Variants in ORC5 observed in about 807,000 individuals in gnomAD.
ORC5 encodes origin recognition complex subunit 5.
In ORC5, 39 loss-of-function variants were observed where a neutral mutation model predicts 58.8. The ratio of observed to expected loss-of-function variants is 0.66; its 90% CI spans 0.51 to 0.87. The LOEUF (loss-of-function observed/expected upper bound fraction) is 0.87. Ranked by LOEUF, ORC5 falls within the 40% of genes least tolerant of loss-of-function variation. ORC5 has a pLI of 0.00. For missense variants in ORC5, 493 were observed against 506.3 expected (o/e 0.97, Z 0.25); for synonymous variants, 218 against 177.6 (o/e 1.23, Z -1.81).
chr7:104,194,013 T>C (rs536953852), intron 5 of ORC5, among the ~76,000 whole-genome samples: 5 of 151,812 alleles, frequency 3.3e-5, no homozygotes, highest in East Asian at 1.9e-4. Flanking sequence ...TTTTTAATAA[T>C]TTTCTTAAAT....
intron 8 of ORC5, among the ~76,000 whole-genome samples, chr7:104,170,815 A>G (rs1799197846): frequency 6.6e-6 from 1 of 152,152 alleles, no homozygotes; most frequent in African/African-American, 2.4e-5. Context: ...ACTCCAATCC[A>G]TTGTTCTTTT....
At chr7:104,153,757 C>T (rs896145826) in intron 12 of ORC5, among the ~76,000 whole-genome samples, 2 of 151,938 alleles carry the variant, frequency 1.3e-5, no homozygotes, top group African/African-American at 4.8e-5. Flanking sequence ...AGATAATGCC[C>T]ACACTCAAAT....
intron 1 of ORC5, among the ~76,000 whole-genome samples, chr7:104,206,863 G>C (rs535388479): frequency 6.6e-6 from 1 of 152,240 alleles, no homozygotes; most frequent in South Asian, 2.1e-4. Flanking sequence ...TAGTAGCACC[G>C]CTGTAGAGGT....
At chr7:104,143,651 TA>T (rs1164651822) in intron 12 of ORC5, among the ~76,000 whole-genome samples, 1 of 151,778 alleles carries the variant, frequency 6.6e-6, no homozygotes, top group Non-Finnish European at 1.5e-5. Flanking sequence ...GAACTAAACC[TA>T]AAAAAAGCAA....
At chr7:104,196,239 A>G (rs1318161369) in intron 4 of ORC5, among the ~76,000 whole-genome samples, 1 of 152,222 alleles carries the variant, frequency 6.6e-6, no homozygotes, top group East Asian at 1.9e-4. Flanking sequence ...TGAAAAGGCA[A>G]GAAGACAATA....
At chr7:104,200,635 T>C (rs189971767) in intron 3 of ORC5, 123 bp downstream of exon 3, 100 of 645,366 alleles carry the variant, frequency 1.5e-4, no homozygotes, top group African/African-American at 1.5e-3. Flanking sequence ...CATTTCTGTA[T>C]ACTAAAAGCA....
chr7:104,147,493 C>T (rs915652966), intron 12 of ORC5, among the ~76,000 whole-genome samples: 2 of 152,054 alleles, frequency 1.3e-5, no homozygotes, highest in African/African-American at 4.8e-5. Flanking sequence ...AATTTTTCAA[C>T]ATAAAAATAA....
At chr7:104,203,641 G>A (rs1039979310) in intron 2 of ORC5, among the ~76,000 whole-genome samples, 1 of 152,168 alleles carries the variant, frequency 6.6e-6, no homozygotes, top group African/African-American at 2.4e-5. Flanking sequence ...AGGAACATGA[G>A]TCTGCCAGAC....
chr7:104,177,138 C>G (rs1432570225), intron 8 of ORC5, among the ~76,000 whole-genome samples: 1 of 152,062 alleles, frequency 6.6e-6, no homozygotes, highest in East Asian at 1.9e-4. Flanking sequence ...TTGCCTAATG[C>G]CTCAGTTTTC....
chr7:104,164,993 T>A (rs893360390), intron 11 of ORC5, among the ~76,000 whole-genome samples: 1 of 152,170 alleles, frequency 6.6e-6, no homozygotes, highest in African/African-American at 2.4e-5. Flanking sequence ...AGGGTAAACT[T>A]CTTCATCTAC....
At chr7:104,163,505 GAGA>G (rs2115859612) in intron 11 of ORC5, among the ~76,000 whole-genome samples, 1 of 152,260 alleles carries the variant, frequency 6.6e-6, no homozygotes, top group East Asian at 1.9e-4. Flanking sequence ...TTGTCTGTTT[GAGA>G]AGGAGACTCA....
intron 8 of ORC5, among the ~76,000 whole-genome samples, chr7:104,180,695 G>A (rs910426289): frequency 2.0e-5 from 3 of 152,164 alleles, no homozygotes; most frequent in Non-Finnish European, 4.4e-5. Context: ...TGTAAATTGT[G>A]TAAGAAGCAT....
chr7:104,194,452 C>T (rs1799750852), intron 5 of ORC5, among the ~76,000 whole-genome samples: 1 of 151,898 alleles, frequency 6.6e-6, no homozygotes, highest in East Asian at 1.9e-4. Flanking sequence ...TATGACAGCC[C>T]AGTCTTAATC....
chr7:104,148,948 C>T (rs905800594), intron 12 of ORC5, among the ~76,000 whole-genome samples: 4 of 151,022 alleles, frequency 2.6e-5, no homozygotes, highest in African/African-American at 7.3e-5. Context: ...GCAGGAGAAT[C>T]GCTTGAATCT....
At chr7:104,197,112 A>T (rs1222072438) in intron 4 of ORC5, among the ~76,000 whole-genome samples, 5 of 152,194 alleles carry the variant, frequency 3.3e-5, no homozygotes, top group African/African-American at 1.2e-4. Context: ...AGGTTCTGGG[A>T]AACTGTGACT....
chr7:104,199,464 A>T (rs9656093), intron 3 of ORC5, among the ~76,000 whole-genome samples: 16,624 of 152,212 alleles, frequency 0.11, 1,582 homozygotes, highest in African/African-American at 0.26. Flanking sequence ...AGTGGGCTGG[A>T]TGTGAGGCAT....
chr7:104,192,286 T>C (rs1268667732), intron 5 of ORC5, among the ~76,000 whole-genome samples: 4 of 152,140 alleles, frequency 2.6e-5, no homozygotes, highest in African/African-American at 9.7e-5. Flanking sequence ...TGTGTATGCA[T>C]AGGGTAAAAC....
rs1214255000 is a variant in ORC5, at chr7:104,168,693, GTATA to G, written c.825-172_825-169del. 2.0e-5 allele frequency among the ~76,000 whole-genome samples: 3 copies of G among 147,210 alleles called. No individual in the cohort carries two copies. In the East Asian group the frequency reaches 5.8e-4, roughly 28 times the overall value. On this transcript the variant is annotated intron_variant, in intron 8 of 13. Coordinates refer to ENST00000297431, the MANE Select transcript of ORC5 (RefSeq NM_002553.4). ...TTGTACCTGTACAAAATAATTTAATGTATATATTAGAATGTCATAAATTTATAAA... is the reference window on the plus strand; with the variant it reads ...TTGTACCTGTACAAAATAATTTAATGTATTAGAATGTCATAAATTTATAAA...
At position 104,207,916 on chromosome 7, in the gene ORC5, C is replaced by A; in HGVS notation, c.-12G>T. 1.2e-6 allele frequency: 2 copies of A among 1,613,844 alleles called. No homozygotes were observed. Among genetic ancestry groups the A allele is most frequent in the Non-Finnish European group, 1.7e-6 (2 of 1,179,778 alleles). On this transcript the variant is annotated 5_prime_UTR_variant, in exon 1 of 14. Coordinates refer to ENST00000297431, the MANE Select transcript of ORC5 (RefSeq NM_002553.4). ...TCCAAGTGGGGCATTCTGGCAGGCACCACCGCAGAGGCCAGTGCAGCCAGC... is the reference window on the plus strand; with the variant it reads ...TCCAAGTGGGGCATTCTGGCAGGCAACACCGCAGAGGCCAGTGCAGCCAGC...
Sources: allele counts gnomAD v4.1 joint callset (sites outside exome capture counted in the v4.1 genomes callset), GRCh38; gene constraint gnomAD v4.1.1; transcripts MANE v1.5; gene names NCBI Gene and HGNC (gene_info 2026-07-23, HGNC 2026-07-21).